Variants in CFAP221 observed in about 807,000 individuals in gnomAD.
CFAP221 encodes cilia- and flagella-associated protein 221.
In CFAP221, 97 loss-of-function variants were observed where a neutral mutation model predicts 113.1. The ratio of observed to expected loss-of-function variants is 0.86; its 90% CI spans 0.73 to 1.02. The LOEUF (loss-of-function observed/expected upper bound fraction) is 1.02, where lower values mean the gene tolerates loss of function less well. Among genes scored for constraint, CFAP221 ranks in the 50% least tolerant of loss-of-function variants. The pLI, the probability that CFAP221 is intolerant of heterozygous loss-of-function variation, is 0.00. For synonymous variants in CFAP221, 331 were observed against 354.4 expected (o/e 0.93, Z 0.74); for missense variants, 1,025 against 1,013.4 (o/e 1.01, Z -0.16).
chr2:119,651,162 C>G (rs1688106611), intron 22 of CFAP221, among the ~76,000 whole-genome samples: 1 of 152,192 alleles, frequency 6.6e-6, no homozygotes, highest in African/African-American at 2.4e-5. Flanking sequence ...AGTGTGTCTC[C>G]TGCACACCAT....
At chr2:119,565,606 T>A (rs1681564713) in intron 6 of CFAP221, among the ~76,000 whole-genome samples, 1 of 152,226 alleles carries the variant, frequency 6.6e-6, no homozygotes, top group Non-Finnish European at 1.5e-5. Flanking sequence ...GAATGAAAAT[T>A]TCAGCTAAAC....
At chr2:119,554,658 T>C (rs904281395) in intron 3 of CFAP221, among the ~76,000 whole-genome samples, 4 of 152,206 alleles carry the variant, frequency 2.6e-5, no homozygotes, top group African/African-American at 9.6e-5. Flanking sequence ...ATGAATCGCA[T>C]TGGCTTCTCA....
intron 14 of CFAP221, among the ~76,000 whole-genome samples, chr2:119,616,697 C>T (rs1685549013): frequency 6.6e-6 from 1 of 152,224 alleles, no homozygotes; most frequent in South Asian, 2.1e-4. Context: ...GTACTCATTC[C>T]CTGCTACTAC....
chr2:119,622,127 A>G (rs1685969815), intron 14 of CFAP221, among the ~76,000 whole-genome samples: 1 of 152,318 alleles, frequency 6.6e-6, no homozygotes, highest in East Asian at 1.9e-4. Flanking sequence ...CAGCCGGACT[A>G]ATATAGAAGA....
At chr2:119,584,006 A>G (rs1031726160) in intron 6 of CFAP221, among the ~76,000 whole-genome samples, 3 of 152,208 alleles carry the variant, frequency 2.0e-5, no homozygotes, top group African/African-American at 2.4e-5. Flanking sequence ...CAACCCAAAC[A>G]TACCAAAACA....
chr2:119,558,182 T>A lies in CFAP221; in HGVS notation c.241-1507T>A, dbSNP rs377381254. Among the ~76,000 whole-genome samples, 23 of 152,200 alleles carry A rather than the reference T, an allele frequency of 1.5e-4. No individual in the cohort carries two copies. The South Asian group carries it at 4.4e-3, about 29-fold the overall frequency. ...CACAGCCCTCCCCCAATGAGAAGCA[T>A]GGGGACAAAGCTCTTTGTTAAGATT... is the stretch of plus-strand genomic sequence containing the variant. On this transcript the variant is annotated intron_variant, in intron 3 of 23. Coordinates refer to ENST00000413369, the MANE Select transcript of CFAP221 (RefSeq NM_001271049.2).
At chr2:119,582,519 G>A (rs1024010151) in intron 6 of CFAP221, among the ~76,000 whole-genome samples, 3 of 149,872 alleles carry the variant, frequency 2.0e-5, no homozygotes, top group Non-Finnish European at 4.4e-5. Flanking sequence ...GCAGTGATGC[G>A]CTCTCGGCTC....
chr2:119,602,195 C>CA (rs1367795035), intron 8 of CFAP221, among the ~76,000 whole-genome samples: 1 of 152,148 alleles, frequency 6.6e-6, no homozygotes, highest in Non-Finnish European at 1.5e-5. Context: ...GCCTGGCCAA[C>CA]AGGGTGAAAC....
At chr2:119,649,527 A>G (rs1688000471) in intron 22 of CFAP221, among the ~76,000 whole-genome samples, 1 of 152,208 alleles carries the variant, frequency 6.6e-6, no homozygotes, top group South Asian at 2.1e-4. Flanking sequence ...AAGCAGATGT[A>G]TGACTCATAG....
chr2:119,652,938 ATATATATTTATATT>A (rs1414224565), intron 23 of CFAP221, among the ~76,000 whole-genome samples: 1 of 148,446 alleles, frequency 6.7e-6, no homozygotes, highest in Non-Finnish European at 1.5e-5. Context: ...AAAAATATGG[ATATATATTTATATT>A]TATATATTTA....
At chr2:119,616,142 A>G (rs531117117) in intron 14 of CFAP221, among the ~76,000 whole-genome samples, 181 of 152,378 alleles carry the variant, frequency 1.2e-3, no homozygotes, top group African/African-American at 4.0e-3. Context: ...GTTTCAATGC[A>G]TGTATACATT....
intron 23 of CFAP221, among the ~76,000 whole-genome samples, chr2:119,654,285 A>G (rs187868225): frequency 6.6e-6 from 1 of 152,360 alleles, no homozygotes; most frequent in African/African-American, 2.4e-5. Flanking sequence ...TAATTAGTTA[A>G]TTAATAGAAT....
At chr2:119,613,503 T>G (rs1685318432) in intron 13 of CFAP221, among the ~76,000 whole-genome samples, 1 of 152,256 alleles carries the variant, frequency 6.6e-6, no homozygotes, top group African/African-American at 2.4e-5. Context: ...TCTGGACTTC[T>G]GTGCACCTAC....
intron 6 of CFAP221, among the ~76,000 whole-genome samples, chr2:119,583,321 A>G (rs1682972036): frequency 6.6e-6 from 1 of 152,026 alleles, no homozygotes; most frequent in Non-Finnish European, 1.5e-5. Flanking sequence ...GTATTATACT[A>G]GAAGTCTTCA....
intron 19 of CFAP221, among the ~76,000 whole-genome samples, chr2:119,632,420 A>G (rs1001640285): frequency 1.3e-5 from 2 of 152,198 alleles, no homozygotes; most frequent in Admixed American, 6.5e-5. Context: ...ATAGTAACAG[A>G]AAAATTATCT....
At chr2:119,569,943 T>C (rs1042533689) in intron 6 of CFAP221, among the ~76,000 whole-genome samples, 4 of 152,244 alleles carry the variant, frequency 2.6e-5, no homozygotes, top group African/African-American at 9.6e-5. Context: ...TTAATTATAG[T>C]TGTTTTAAAT....
At chr2:119,582,299 G>T (rs1682900299) in intron 6 of CFAP221, among the ~76,000 whole-genome samples, 2 of 152,112 alleles carry the variant, frequency 1.3e-5, no homozygotes, top group Admixed American at 1.3e-4. Flanking sequence ...ACTTTTTGTT[G>T]TTTAAGCTAA....
chr2:119,645,961 G>A (rs139153368), intron 21 of CFAP221, among the ~76,000 whole-genome samples: 1 of 152,276 alleles, frequency 6.6e-6, no homozygotes, highest in Non-Finnish European at 1.5e-5. Context: ...TCTGAAATGT[G>A]TGTATGGAAG....
chr2:119,638,175 C>A (rs1454967961), intron 19 of CFAP221, 84 bp from the exon 20 acceptor site: 1 of 1,450,730 alleles, frequency 6.9e-7, no homozygotes, highest in African/African-American at 1.4e-5. Flanking sequence ...GTGGGAGCCA[C>A]AGACAGCATT....
Sources: gnomAD v4.1 joint callset for allele counts (sites outside exome capture counted in the v4.1 genomes callset) on GRCh38, gnomAD v4.1.1 for gene constraint, MANE v1.5 for transcripts, NCBI Gene and HGNC (gene_info 2026-07-23, HGNC 2026-07-21) for gene names.